CXCL13: variants seen among roughly 807,000 people sequenced by gnomAD.
CXCL13 encodes C-X-C motif chemokine ligand 13.
Under a neutral mutation model 12.2 loss-of-function variants are expected in CXCL13, and 7 were observed. The ratio of observed to expected loss-of-function variants is 0.57; its 90% confidence interval spans 0.33 to 1.07. The LOEUF (loss-of-function observed/expected upper bound fraction) is 1.07, where lower values mean the gene tolerates loss of function less well. Ranked by LOEUF, CXCL13 falls within the 50% of genes least tolerant of loss-of-function variation. The pLI, the probability that CXCL13 is intolerant of heterozygous loss-of-function variation, is 0.04. For synonymous variants in CXCL13, 47 were observed against 42.4 expected (o/e 1.11, Z -0.42); for missense variants, 113 against 127.4 (o/e 0.89, Z 0.55).
rs150036421 is a variant in CXCL13, at chr4:77,578,722, C to T, written c.-42-27102C>T. ...CAACCCTACCCACCCTTCAATGTGT[C>T]CATGTGCCTAATCTTTCCTGGTTGT... On this transcript the variant is annotated intron_variant, in intron 1 of 4. Coordinates refer to the CXCL13 transcript ENST00000286758. Among the ~76,000 whole-genome samples, 265 of 152,208 alleles carry T rather than the reference C, an allele frequency of 1.7e-3. 2 individuals are homozygous for T. Among genetic ancestry groups the T allele is most frequent in the African/African-American group, 6.2e-3 (257 of 41,530 alleles).
intron 1 of CXCL13, among the ~76,000 whole-genome samples, chr4:77,532,844 C>T (rs965919243): frequency 3.3e-5 from 5 of 152,200 alleles, no homozygotes; most frequent in African/African-American, 1.2e-4. Flanking sequence ...AAGTCGGCTA[C>T]TGAGGCTTGT....
intron 1 of CXCL13, among the ~76,000 whole-genome samples, chr4:77,511,953 G>A (rs1389133085): frequency 6.6e-6 from 1 of 152,126 alleles, no homozygotes; most frequent in Admixed American, 6.6e-5. Context: ...CTCAAATCAA[G>A]GGTTTGGAAG....
chr4:77,513,738 C>A (rs1206944096), intron 1 of CXCL13, among the ~76,000 whole-genome samples: 1 of 152,130 alleles, frequency 6.6e-6, no homozygotes, highest in African/African-American at 2.4e-5. Context: ...AGGCATGAGC[C>A]ACCACACCTG....
intron 1 of CXCL13, among the ~76,000 whole-genome samples, chr4:77,519,753 C>T (rs549693678): frequency 6.6e-6 from 1 of 152,258 alleles, no homozygotes; most frequent in South Asian, 2.1e-4. Flanking sequence ...CTTTTGTTGT[C>T]ATTGCTTTTG....
intron 1 of CXCL13, among the ~76,000 whole-genome samples, chr4:77,590,188 T>C (rs1046639900): frequency 6.6e-6 from 1 of 152,216 alleles, no homozygotes; most frequent in African/African-American, 2.4e-5. Context: ...CCTAAATTTA[T>C]ATATAAATTG....
chr4:77,540,310 C>A (rs888463484), intron 1 of CXCL13, among the ~76,000 whole-genome samples: 57 of 152,000 alleles, frequency 3.8e-4, no homozygotes, highest in Admixed American at 3.7e-3. Context: ...AGGTTTGTTA[C>A]CCTGGTATAT....
chr4:77,524,849 T>G (rs976004062), intron 1 of CXCL13, among the ~76,000 whole-genome samples: 2 of 152,218 alleles, frequency 1.3e-5, no homozygotes, highest in Admixed American at 6.5e-5. Flanking sequence ...TTCAGCCATC[T>G]TGGAACAGAG....
intron 1 of CXCL13, among the ~76,000 whole-genome samples, chr4:77,534,558 T>C (rs543973266): frequency 1.3e-5 from 2 of 152,352 alleles, no homozygotes; most frequent in Non-Finnish European, 2.9e-5. Context: ...TGAGATCTCT[T>C]AATACTTTCT....
chr4:77,544,281 C>T (rs1255234615), intron 1 of CXCL13, among the ~76,000 whole-genome samples: 4 of 152,132 alleles, frequency 2.6e-5, no homozygotes, highest in Non-Finnish European at 4.4e-5. Context: ...ATGGCTGGGT[C>T]AAATGGTATT....
At chr4:77,518,027 AG>A (rs142412031) in intron 1 of CXCL13, among the ~76,000 whole-genome samples, 5,690 of 152,036 alleles carry the variant, frequency 0.037, 356 homozygotes, top group African/African-American at 0.13. Context: ...TTGTCTGTAA[AG>A]GATTTTATTT....
chr4:77,597,113 A>T (rs915297035), intron 1 of CXCL13, among the ~76,000 whole-genome samples: 1 of 152,228 alleles, frequency 6.6e-6, no homozygotes, highest in African/African-American at 2.4e-5. Context: ...AAAACAGTCA[A>T]ACATATAGAA....
intron 1 of CXCL13, among the ~76,000 whole-genome samples, chr4:77,530,275 A>T (rs896458839): frequency 5.3e-5 from 8 of 152,170 alleles, no homozygotes; most frequent in Non-Finnish European, 8.8e-5. Flanking sequence ...TGGTGTCAGG[A>T]TGATGCTGGC....
chr4:77,571,138 G>C lies in CXCL13; in HGVS notation c.-42-34686G>C, dbSNP rs548340772. On this transcript the variant is annotated intron_variant, in intron 1 of 4. Transcript: ENST00000286758. ...GCCAGCTGGGCTCCTGAGTCTGGTGGGGATGCGGAGAGTCTTTATATCTAG... is the reference window on the plus strand; with the variant it reads ...GCCAGCTGGGCTCCTGAGTCTGGTGCGGATGCGGAGAGTCTTTATATCTAG... 3.5e-4 allele frequency among the ~76,000 whole-genome samples: 53 copies of C among 152,138 alleles called. 1 individual carries two copies. The highest frequency in any genetic ancestry group is 3.4e-3 in the Middle Eastern group (1 of 294).
intron 1 of CXCL13, among the ~76,000 whole-genome samples, chr4:77,527,317 T>G (rs1724791670): frequency 6.6e-6 from 1 of 152,156 alleles, no homozygotes; most frequent in Admixed American, 6.6e-5. Context: ...ATACAGCCAC[T>G]CTGGAAAACA....
intron 1 of CXCL13, among the ~76,000 whole-genome samples, chr4:77,599,604 A>G (rs1726848528): frequency 6.6e-6 from 1 of 152,188 alleles, no homozygotes; most frequent in Non-Finnish European, 1.5e-5. Context: ...GTGGTGGTCA[A>G]AGTGATTGCA....
upstream of CXCL13, among the ~76,000 whole-genome samples, chr4:77,600,846 A>T (rs896037886): frequency 2.6e-5 from 4 of 152,168 alleles, no homozygotes; most frequent in African/African-American, 9.7e-5. Context: ...ACTATTTCAG[A>T]TTTTTAGGGG....
chr4:77,545,758 G>C (rs1348399163), intron 1 of CXCL13, among the ~76,000 whole-genome samples: 1 of 152,090 alleles, frequency 6.6e-6, no homozygotes, highest in Non-Finnish European at 1.5e-5. Context: ...CTGCCTGATT[G>C]CCCTGGCCAG....
chr4:77,544,621 A>C (rs968342293), intron 1 of CXCL13, among the ~76,000 whole-genome samples: 1 of 152,008 alleles, frequency 6.6e-6, no homozygotes, highest in Non-Finnish European at 1.5e-5. Context: ...AATTTGTTTG[A>C]GTTCTTTGTA....
intron 1 of CXCL13, among the ~76,000 whole-genome samples, chr4:77,512,720 T>A (rs1724304934): frequency 1.3e-5 from 2 of 152,208 alleles, no homozygotes; most frequent in Non-Finnish European, 2.9e-5. Context: ...CTTGAACAGA[T>A]GATTTGGGTG....
Sources: allele counts gnomAD v4.1 joint callset (sites outside exome capture counted in the v4.1 genomes callset), GRCh38; gene constraint gnomAD v4.1.1; transcripts MANE v1.5; gene names NCBI Gene and HGNC (gene_info 2026-07-23, HGNC 2026-07-21).